APOBEC3G: variants seen among roughly 807,000 people sequenced by gnomAD.
APOBEC3G encodes the protein DNA dC->dU-editing enzyme APOBEC-3G.
A neutral mutation model predicts 50.0 loss-of-function variants in APOBEC3G; 44 were observed. That is an observed-to-expected ratio of 0.88 (90% CI 0.69 to 1.13). APOBEC3G has a LOEUF of 1.13. APOBEC3G is among the 50% of genes most tolerant of loss of function. The pLI is 0.00. For synonymous variants in APOBEC3G, 156 were observed against 175.3 expected (o/e 0.89, Z 0.87); for missense variants, 469 against 492.0 (o/e 0.95, Z 0.44).
At chr22:39,084,010 G>A (rs1928591747) in intron 5 of APOBEC3G, 126 bp downstream of exon 5, 1 of 1,234,270 alleles carries the variant, frequency 8.1e-7, no homozygotes, top group Non-Finnish European at 1.1e-6. Flanking sequence ...TCCTGTAGCT[G>A]CTGCTGCTTG....
chr22:39,083,704 C>T, intron 4 of APOBEC3G, 27 bp from the exon 5 acceptor site: 1 of 1,611,384 alleles, frequency 6.2e-7, no homozygotes, highest in Non-Finnish European at 8.5e-7. Context: ...GGCTCTTACT[C>T]CTCTGGGCTT....
rs547409598 is a variant in APOBEC3G, at chr22:39,081,560, C to G, written c.556C>G (p.His186Asp). ...TCTGCCTAAATATTATATATTACTG[C>G]ACATCATGCTGGGGGAGATTCTCAG... is the stretch of plus-strand genomic sequence containing the variant. ...NNLPKYYILL[H>D]IMLGEILRHS... Residue 186 changes from histidine to aspartate, a missense_variant, in exon 4 of 8, where the codon CAC (histidine) becomes GAC (aspartate). Coordinates refer to ENST00000407997, the MANE Select transcript of APOBEC3G (RefSeq NM_021822.4). 12 of 1,613,962 alleles carry G rather than the reference C, an allele frequency of 7.4e-6. No homozygotes were observed. In the African/African-American group the frequency reaches 9.3e-5, roughly 13 times the overall value.
At chr22:39,078,303 T>C (rs893137270) in intron 1 of APOBEC3G, among the ~76,000 whole-genome samples, 6 of 151,796 alleles carry the variant, frequency 4.0e-5, no homozygotes, top group African/African-American at 1.5e-4. Flanking sequence ...ATGGAATATA[T>C]GGGAAAAAAA....
intron 6 of APOBEC3G, 133 bp downstream of exon 6, chr22:39,086,700 G>A: frequency 6.8e-6 from 9 of 1,315,718 alleles, no homozygotes; most frequent in Non-Finnish European, 9.3e-6. Flanking sequence ...GGCGATGGCT[G>A]CACTCTGGAC....
At chr22:39,083,645 G>A in intron 4 of APOBEC3G, 86 bp from the exon 5 acceptor site, 2 of 1,486,224 alleles carry the variant, frequency 1.3e-6, no homozygotes, top group Non-Finnish European at 9.2e-7. Context: ...AGGGTGGGGT[G>A]CAAGGGAGGA....
Position 39,080,336 on chromosome 22 carries a change from C to G in APOBEC3G, c.172-597C>G, listed in dbSNP as rs185293115. The G allele has an allele frequency of 4.5e-5, 15 of 333,854 alleles. No homozygotes were observed. In the East Asian group the frequency reaches 2.3e-3, roughly 52 times the overall value. The allele number at this position is 333,854 out of a possible 1,614,324, so 20.7% of individuals were successfully genotyped here. On this transcript the variant is annotated intron_variant, in intron 2 of 7. Coordinates refer to ENST00000407997, the MANE Select transcript of APOBEC3G (RefSeq NM_021822.4). The stretch of plus-strand genomic sequence containing the variant: ...GAAAACTTCCAAACTCAGGGAAGCA[C>G]GTGTCTTGGTGCACCTTGTGATGCT...
chr22:39,079,300 T>TTTTTC (rs988060970), intron 2 of APOBEC3G: 4 of 600,160 alleles, frequency 6.7e-6, no homozygotes, highest in African/African-American at 1.9e-5. Flanking sequence ...TGTGTTTCCG[T>TTTTTC]TTTTCTTTTC....
rs909866862 is a variant in APOBEC3G at position 39,087,637 on chromosome 22, T to C, written c.*216T>C. On this transcript the variant is annotated 3_prime_UTR_variant, in exon 8 of 8. Coordinates refer to ENST00000407997, the MANE Select transcript of APOBEC3G (RefSeq NM_021822.4). Reference sequence around the variant, plus strand: ...TATTTATATTTCAAGAATAAAGTACTAAGATTGTGCTCAATACACAGAAAA... The same window carrying C: ...TATTTATATTTCAAGAATAAAGTACCAAGATTGTGCTCAATACACAGAAAA... The C allele has an allele frequency of 6.1e-6, 6 of 978,262 alleles. No individual in the cohort carries two copies. The highest frequency in any genetic ancestry group is 7.4e-6 in the Non-Finnish European group (5 of 676,752). The allele number at this position is 978,262 out of a possible 1,614,324, so 60.6% of individuals were successfully genotyped here. A position where few individuals can be genotyped will look rare whatever the true frequency, so the allele number is the denominator to read the frequency against.
chr22:39,086,656 C>T (rs1204015058), intron 6 of APOBEC3G, 89 bp downstream of exon 6: 4 of 1,496,306 alleles, frequency 2.7e-6, no homozygotes, highest in Non-Finnish European at 3.6e-6. Flanking sequence ...GGTCGGCATC[C>T]CTGTGGGAAA....
chr22:39,077,688 C>T (rs1029656101), intron 1 of APOBEC3G, among the ~76,000 whole-genome samples: 2 of 152,214 alleles, frequency 1.3e-5, no homozygotes, highest in South Asian at 2.1e-4. Flanking sequence ...GTGCTTCCCG[C>T]CATTCCTGAA....
chr22:39,078,903 A>G, intron 1 of APOBEC3G, 29 bp from the exon 2 acceptor site: 2 of 1,612,610 alleles, frequency 1.2e-6, no homozygotes, highest in Admixed American at 1.7e-5. Context: ...TGCTCTCTAC[A>G]TTGGCTGGTT....
intron 4 of APOBEC3G, chr22:39,081,840 T>G (rs1436640414): frequency 9.1e-6 from 4 of 439,910 alleles, no homozygotes; most frequent in Non-Finnish European, 1.2e-5. Flanking sequence ...GCAACCTCCA[T>G]CCACCCCCAC....
At chr22:39,078,708 G>T in intron 1 of APOBEC3G, 2 of 566,788 alleles carry the variant, frequency 3.5e-6, no homozygotes, top group East Asian at 3.1e-5. Context: ...GTTTTATTCT[G>T]TCTCTCTCTC....
chr22:39,077,524 G>T, intron 1 of APOBEC3G, 146 bp downstream of exon 1: 1 of 1,424,876 alleles, frequency 7.0e-7, no homozygotes, highest in Non-Finnish European at 9.5e-7. Context: ...CCTACTCCCA[G>T]CCAGGCTCCT....
In APOBEC3G at chr22:39,087,242, G is replaced by C. The variant is rs1227590543; in HGVS notation, c.1140+116G>C. Reference sequence around the variant, plus strand: ...CCTCTGGGTTCCCTGCTCCCCCAGGGCACCTGTCTCTGTCCCTCCCTTTCC... The same window carrying C: ...CCTCTGGGTTCCCTGCTCCCCCAGGCCACCTGTCTCTGTCCCTCCCTTTCC... On this transcript the variant is annotated intron_variant, in intron 7 of 7. Transcript: ENST00000407997. 4 of 1,601,394 alleles carry C rather than the reference G, an allele frequency of 2.5e-6. No individual in the cohort carries two copies. The African/African-American group carries it at 5.4e-5, about 21-fold the overall frequency.
In APOBEC3G at chr22:39,081,296, A is replaced by G. The variant is rs879136334; in HGVS notation, c.466+69A>G. On this transcript the variant is annotated intron_variant, in intron 3 of 7. Coordinates refer to ENST00000407997, the MANE Select transcript of APOBEC3G (RefSeq NM_021822.4). ...TGTCTGTGATGGGTCCTTCCCACAC[A>G]TACCTGTGGGTCTGCTCTGATGCCT... The G allele has an allele frequency of 1.0e-5, 16 of 1,572,314 alleles. No homozygotes were observed. In the South Asian group the frequency reaches 1.2e-4, roughly 12 times the overall value.
At position 39,081,501 on chromosome 22, in the gene APOBEC3G, A is replaced by G; in HGVS notation, c.497A>G (p.Tyr166Cys). 1.9e-6 allele frequency: 3 copies of G among 1,614,198 alleles called. No homozygotes were observed. Among genetic ancestry groups the G allele is most frequent in the Non-Finnish European group, 1.7e-6 (2 of 1,180,020 alleles). Residue 166 changes from tyrosine (Y) to cysteine (C), a missense_variant, in exon 4 of 8, where the codon TAC becomes TGC. By Grantham distance (194) the Tyr-to-Cys change is radical (BLOSUM62 -2). Transcript: ENST00000407997. ...CAGCACTGTTGGAGCAAGTTCGTGT[A>G]CAGCCAAAGAGAGCTATTTGAGCCT... ...EFQHCWSKFV[Y>C]SQRELFEPWN...
Position 39,087,647 on chromosome 22 carries a change from C to A in APOBEC3G, c.*226C>A. On this transcript the variant is annotated 3_prime_UTR_variant, in exon 8 of 8. Transcript: ENST00000407997. ...TCAAGAATAAAGTACTAAGATTGTGCTCAATACACAGAAAAGTTTCAAACC... is the reference window on the plus strand; with the variant it reads ...TCAAGAATAAAGTACTAAGATTGTGATCAATACACAGAAAAGTTTCAAACC... The A allele has an allele frequency of 1.1e-6, 1 of 887,008 alleles. No homozygotes were observed. The highest frequency in any genetic ancestry group is 1.7e-6 in the Non-Finnish European group (1 of 603,372). 54.9% of individuals were successfully genotyped at this position (887,008 alleles called of 1,614,324 possible).
chr22:39,084,539 A>G (rs993042615), intron 5 of APOBEC3G, among the ~76,000 whole-genome samples: 2 of 151,828 alleles, frequency 1.3e-5, no homozygotes, highest in Admixed American at 1.3e-4. Flanking sequence ...AAAAAAAAAA[A>G]AAGTGCTTCC....
Sources: allele counts gnomAD v4.1 joint callset (sites outside exome capture counted in the v4.1 genomes callset), GRCh38; gene constraint gnomAD v4.1.1; transcripts MANE v1.5; gene names NCBI Gene and HGNC (gene_info 2026-07-23, HGNC 2026-07-21).